The following ABCC4 variants were observed in gnomAD, a reference collection of about 807,000 sequenced individuals.
The protein encoded by ABCC4 is ATP binding cassette subfamily C member 4 (PEL blood group).
In ABCC4, 102 loss-of-function variants were observed where a neutral mutation model predicts 168.5. The ratio of observed to expected loss-of-function variants is 0.61; its 90% CI spans 0.52 to 0.71. The LOEUF is 0.71. Among genes scored for constraint, ABCC4 ranks in the 30% least tolerant of loss-of-function variants. ABCC4 has a pLI of 0.00. For missense variants in ABCC4, 1,402 were observed against 1,605.8 expected (o/e 0.87, Z 2.17); for synonymous variants, 617 against 590.7 (o/e 1.04, Z -0.65).
chr13:95,178,824 G>A (rs7330933), intron 11 of ABCC4, among the ~76,000 whole-genome samples: 64,872 of 151,956 alleles, frequency 0.43, 14,370 homozygotes, highest in East Asian at 0.55. Flanking sequence ...AACAGTAGCC[G>A]GGACCGGAGT....
At chr13:95,176,753 A>C (rs975919605) in intron 13 of ABCC4, among the ~76,000 whole-genome samples, 6 of 152,216 alleles carry the variant, frequency 3.9e-5, no homozygotes, top group Non-Finnish European at 5.9e-5. Context: ...GTGTGCGCAG[A>C]AGGGTTACAA....
chr13:95,117,685 A>C (rs1472090067), intron 19 of ABCC4, among the ~76,000 whole-genome samples: 2 of 152,120 alleles, frequency 1.3e-5, no homozygotes, highest in Non-Finnish European at 2.9e-5. Context: ...TTAAAATATG[A>C]ATTATTTCTT....
intron 4 of ABCC4, among the ~76,000 whole-genome samples, chr13:95,216,071 A>G (rs2039101843): frequency 6.6e-6 from 1 of 152,218 alleles, no homozygotes; most frequent in Non-Finnish European, 1.5e-5. Flanking sequence ...ACCATTTAGT[A>G]AGCACCTACT....
chr13:95,120,164 A>G (rs184361647), intron 19 of ABCC4, among the ~76,000 whole-genome samples: 1 of 63,942 alleles, frequency 1.6e-5, no homozygotes, highest in Admixed American at 1.3e-4. Flanking sequence ...TCTGACCTTG[A>G]AGGTAAAAGT....
intron 9 of ABCC4, among the ~76,000 whole-genome samples, chr13:95,193,144 G>T (rs1230983903): frequency 6.7e-6 from 1 of 150,084 alleles, no homozygotes; most frequent in African/African-American, 2.4e-5. Flanking sequence ...GTAGAGAAAG[G>T]AAGAGTCTGG....
Position 95,189,278 on chromosome 13 carries a change from C to T in ABCC4, c.1264-736G>A, listed in dbSNP as rs1236674276. The stretch of plus-strand genomic sequence containing the variant: ...CCTCCCGAGTAGCTGGGACTACAGG[C>T]GCCTGCCACTGCGCCCAGCTAATTT... On this transcript the variant is annotated intron_variant, in intron 9 of 30. Coordinates refer to ENST00000645237, the MANE Select transcript of ABCC4 (RefSeq NM_005845.5). Among the ~76,000 whole-genome samples the T allele has an allele frequency of 4.0e-5, 6 of 151,204 alleles. No homozygotes were observed. The East Asian group carries it at 7.8e-4, about 20-fold the overall frequency.
At chr13:95,074,371 T>C (rs1566394168) in intron 22 of ABCC4, 47 bp from the exon 23 acceptor site, 2 of 1,470,322 alleles carry the variant, frequency 1.4e-6, no homozygotes, top group East Asian at 2.3e-5. Context: ...TAGATGAATG[T>C]GCGAGTGTGT....
intron 1 of ABCC4, among the ~76,000 whole-genome samples, chr13:95,299,756 A>G (rs1222578461): frequency 6.6e-6 from 1 of 152,134 alleles, no homozygotes; most frequent in Non-Finnish European, 1.5e-5. Context: ...GAGGTCAAGA[A>G]ACAGAAGATC....
chr13:95,223,346 A>G (rs1236814259), intron 4 of ABCC4, among the ~76,000 whole-genome samples: 4 of 152,214 alleles, frequency 2.6e-5, no homozygotes, highest in Non-Finnish European at 5.9e-5. Context: ...CCTCAAATAT[A>G]TAAATAATAA....
chr13:95,154,613 G>C (rs2036798620), intron 19 of ABCC4, among the ~76,000 whole-genome samples: 2 of 152,174 alleles, frequency 1.3e-5, no homozygotes, highest in South Asian at 4.1e-4. Flanking sequence ...ACGAAGCTTT[G>C]CCTTGTAAAT....
At chr13:95,076,559 C>G (rs570130031) in intron 21 of ABCC4, among the ~76,000 whole-genome samples, 5 of 150,934 alleles carry the variant, frequency 3.3e-5, no homozygotes, top group South Asian at 2.1e-4. Context: ...GACCTGCCCC[C>G]GTTCAAGCGA....
At position 95,157,131 on chromosome 13, in the gene ABCC4, A is replaced by ACACAC. The variant is rs1350889658; in HGVS notation, c.2455+4057_2455+4058insGTGTG. Among the ~76,000 whole-genome samples, 459 of 82,768 alleles carry ACACAC rather than the reference A, an allele frequency of 5.5e-3. 3 individuals are homozygous for ACACAC. Among genetic ancestry groups the ACACAC allele is most frequent in the African/African-American group, 0.03 (411 of 13,864 alleles). The allele number at this position is 82,768 out of a possible 152,430, so 54.3% of individuals were successfully genotyped here. On this transcript the variant is annotated intron_variant, in intron 19 of 30. Coordinates refer to ENST00000645237, the MANE Select transcript of ABCC4 (RefSeq NM_005845.5). Reference sequence around the variant, plus strand: ...ACACACACACACACACACACACACAAACAGTCACCATTTGTCCACTGGTGG... The same window carrying ACACAC: ...ACACACACACACACACACACACACAACACACACAGTCACCATTTGTCCACTGGTGG...
chr13:95,285,778 G>A (rs1376246417), intron 1 of ABCC4, among the ~76,000 whole-genome samples: 1 of 152,164 alleles, frequency 6.6e-6, no homozygotes, highest in Non-Finnish European at 1.5e-5. Context: ...ATGTAGGAAA[G>A]CTAAGTTAGG....
chr13:95,218,919 GAA>G (rs1358375815), intron 4 of ABCC4, among the ~76,000 whole-genome samples: 6 of 22,018 alleles, frequency 2.7e-4, no homozygotes, highest in African/African-American at 7.7e-4. Context: ...GAGAGAGAGA[GAA>G]AGAAAGAGAA....
intron 1 of ABCC4, among the ~76,000 whole-genome samples, chr13:95,260,186 C>T (rs572647072): frequency 1.3e-5 from 2 of 152,312 alleles, no homozygotes; most frequent in African/African-American, 4.8e-5. Flanking sequence ...AAATGGGAAG[C>T]ACTTGTCTGA....
At chr13:95,059,624 A>G (rs1197968943) in intron 26 of ABCC4, among the ~76,000 whole-genome samples, 4 of 137,854 alleles carry the variant, frequency 2.9e-5, no homozygotes, top group African/African-American at 1.1e-4. Flanking sequence ...TTTCTCTCTT[A>G]GGCTTTTATT....
intron 1 of ABCC4, among the ~76,000 whole-genome samples, chr13:95,264,989 C>A (rs2040631716): frequency 6.6e-6 from 1 of 151,734 alleles, no homozygotes; most frequent in Non-Finnish European, 1.5e-5. Context: ...CTGCCTCAGC[C>A]TCCTGAGTAG....
intron 1 of ABCC4, among the ~76,000 whole-genome samples, chr13:95,296,230 T>G (rs2041533047): frequency 6.6e-6 from 1 of 150,414 alleles, no homozygotes; most frequent in African/African-American, 2.5e-5. Context: ...ATTCCTGTAA[T>G]CCCAACGCTT....
At chr13:95,086,860 T>C (rs1341855682) in intron 20 of ABCC4, among the ~76,000 whole-genome samples, 1 of 152,224 alleles carries the variant, frequency 6.6e-6, no homozygotes, top group Non-Finnish European at 1.5e-5. Context: ...ATTTTCATGA[T>C]TTGTTTATGG....
Sources: gnomAD v4.1 joint callset for allele counts (sites outside exome capture counted in the v4.1 genomes callset) on GRCh38, gnomAD v4.1.1 for gene constraint, MANE v1.5 for transcripts, NCBI Gene and HGNC (gene_info 2026-07-23, HGNC 2026-07-21) for gene names.